PLXDC2: variants seen among roughly 807,000 people sequenced by gnomAD.
PLXDC2 encodes plexin domain containing 2.
Under a neutral mutation model 68.9 loss-of-function variants are expected in PLXDC2, and 40 were observed. That is an observed-to-expected ratio of 0.58 (90% CI 0.45 to 0.76). The LOEUF (loss-of-function observed/expected upper bound fraction) is 0.76. Ranked by LOEUF, PLXDC2 falls within the 30% of genes least tolerant of loss-of-function variation. PLXDC2 has a pLI of 0.00. For synonymous variants in PLXDC2, 243 were observed against 234.2 expected, an observed-to-expected ratio of 1.04 and a Z score of -0.34; for missense variants, 644 against 661.9, an observed-to-expected ratio of 0.97 and a Z score of 0.30.
At chr10:20,047,535 C>A (rs984742415) in intron 3 of PLXDC2, among the ~76,000 whole-genome samples, 9 of 152,074 alleles carry the variant, frequency 5.9e-5, no homozygotes, top group African/African-American at 2.2e-4. Context: ...AAGCATCAGA[C>A]TGATATTTTA....
At chr10:20,068,728 A>G (rs1177048333) in intron 4 of PLXDC2, among the ~76,000 whole-genome samples, 2 of 151,168 alleles carry the variant, frequency 1.3e-5, no homozygotes, top group East Asian at 3.9e-4. Context: ...CTTGAGTGTT[A>G]CCTATTTTGA....
At chr10:19,965,540 T>C (rs1407506983) in intron 1 of PLXDC2, among the ~76,000 whole-genome samples, 1 of 152,164 alleles carries the variant, frequency 6.6e-6, no homozygotes. Context: ...CAATTCCCAC[T>C]TGTTCTGTGT....
At chr10:19,997,402 A>C (rs948987050) in intron 1 of PLXDC2, among the ~76,000 whole-genome samples, 1 of 152,212 alleles carries the variant, frequency 6.6e-6, no homozygotes, top group Non-Finnish European at 1.5e-5. Context: ...GAGGATTTAC[A>C]ATAGTGATTT....
At chr10:19,871,886 A>AG (rs1229414640) in intron 1 of PLXDC2, among the ~76,000 whole-genome samples, 43 of 151,530 alleles carry the variant, frequency 2.8e-4, no homozygotes, top group African/African-American at 1.0e-3. Context: ...AACTGTCAAA[A>AG]AAAAAAAAAA....
At chr10:19,986,117 C>G (rs903139065) in intron 1 of PLXDC2, among the ~76,000 whole-genome samples, 1 of 152,078 alleles carries the variant, frequency 6.6e-6, no homozygotes, top group Non-Finnish European at 1.5e-5. Context: ...GAATTTACAT[C>G]GAATTGAGGA....
chr10:19,922,930 C>G (rs1833483908), intron 1 of PLXDC2, among the ~76,000 whole-genome samples: 1 of 152,150 alleles, frequency 6.6e-6, no homozygotes, highest in Non-Finnish European at 1.5e-5. Context: ...CTTTGAGCCT[C>G]TCAAATGCAA....
At chr10:19,857,318 G>A (rs1485518728) in intron 1 of PLXDC2, among the ~76,000 whole-genome samples, 1 of 152,000 alleles carries the variant, frequency 6.6e-6, no homozygotes, top group African/African-American at 2.4e-5. Flanking sequence ...ATCCTCTCTC[G>A]CTGTCCTCTA....
intron 3 of PLXDC2, among the ~76,000 whole-genome samples, chr10:20,047,236 T>C (rs904469080): frequency 6.6e-6 from 1 of 152,198 alleles, no homozygotes; most frequent in Non-Finnish European, 1.5e-5. Flanking sequence ...TTTGATAAAC[T>C]GCCATTAATT....
At chr10:20,218,727 G>T (rs1269051392) in intron 11 of PLXDC2, among the ~76,000 whole-genome samples, 2 of 151,982 alleles carry the variant, frequency 1.3e-5, no homozygotes, top group African/African-American at 4.8e-5. Flanking sequence ...AATAAATAAG[G>T]TCATAACTAT....
rs558009098 is a variant in PLXDC2 at position 20,040,864 on chromosome 10, TA to T, written c.325-6001del. On this transcript the variant is annotated intron_variant, in intron 2 of 13. Transcript: ENST00000377252. Reference sequence around the variant, plus strand: ...GGCCACTAGTTGTAGACTAGTACCTTAAAAGGTTACCTAAAACATTAAAATT... The same window carrying T: ...GGCCACTAGTTGTAGACTAGTACCTTAAAGGTTACCTAAAACATTAAAATT... 2.0e-5 allele frequency among the ~76,000 whole-genome samples: 3 copies of T among 152,332 alleles called. No homozygotes were observed. The South Asian group carries it at 6.2e-4, about 32-fold the overall frequency.
rs1190807297 is a variant in PLXDC2 at position 19,820,592 on chromosome 10, C to T, written c.112+3401C>T. 3.3e-5 allele frequency among the ~76,000 whole-genome samples: 5 copies of T among 151,052 alleles called. No individual in the cohort carries two copies. The South Asian group carries it at 8.3e-4, about 25-fold the overall frequency. Reference sequence around the variant, plus strand: ...GAGCTTGCAGTGAGCCGAGATTGCGCCACTGCAGTCCGCAGTCCGGCCTGG... The same window carrying T: ...GAGCTTGCAGTGAGCCGAGATTGCGTCACTGCAGTCCGCAGTCCGGCCTGG... On this transcript the variant is annotated intron_variant, in intron 1 of 13. Transcript: ENST00000377252.
At chr10:20,108,229 G>A (rs1833516603) in intron 4 of PLXDC2, among the ~76,000 whole-genome samples, 2 of 152,070 alleles carry the variant, frequency 1.3e-5, no homozygotes, top group Admixed American at 6.5e-5. Flanking sequence ...TGTTTCCCGA[G>A]TTGGGTTCTG....
At chr10:19,828,884 TCC>T (rs1836627143) in intron 1 of PLXDC2, among the ~76,000 whole-genome samples, 1 of 152,130 alleles carries the variant, frequency 6.6e-6, no homozygotes, top group African/African-American at 2.4e-5. Context: ...TGCAAAGGCT[TCC>T]CACCTTACCT....
intron 1 of PLXDC2, among the ~76,000 whole-genome samples, chr10:19,877,749 C>T (rs1297970785): frequency 6.6e-6 from 1 of 152,236 alleles, no homozygotes; most frequent in Non-Finnish European, 1.5e-5. Flanking sequence ...AAACTTGTAA[C>T]TTCATTGAGC....
intron 2 of PLXDC2, among the ~76,000 whole-genome samples, chr10:20,012,796 A>C (rs34986110): frequency 0.16 from 24,993 of 152,178 alleles, 2,428 homozygotes; most frequent in Non-Finnish European, 0.22. Flanking sequence ...AGACTGCCTT[A>C]GTTTTCTTTT....
intron 13 of PLXDC2, among the ~76,000 whole-genome samples, chr10:20,268,122 A>G (rs1411024059): frequency 6.6e-6 from 1 of 152,132 alleles, no homozygotes; most frequent in Admixed American, 6.6e-5. Flanking sequence ...TCTACAATTG[A>G]TCCTCTAAAT....
At chr10:20,256,036 T>C (rs962763412) in intron 13 of PLXDC2, among the ~76,000 whole-genome samples, 36 of 152,202 alleles carry the variant, frequency 2.4e-4, no homozygotes, top group African/African-American at 8.7e-4. Flanking sequence ...ATTTGTATTC[T>C]AATTAACATA....
chr10:20,023,031 C>G (rs557513688), intron 2 of PLXDC2, among the ~76,000 whole-genome samples: 152 of 149,704 alleles, frequency 1.0e-3, no homozygotes, highest in African/African-American at 3.5e-3. Flanking sequence ...ACCCTCCCCC[C>G]GCAAAAAAAG....
At chr10:20,276,977 T>G (rs2482816) in intron 13 of PLXDC2, among the ~76,000 whole-genome samples, 1 of 151,868 alleles carries the variant, frequency 6.6e-6, no homozygotes. Flanking sequence ...TTTGGGAGGC[T>G]GAGGTGGGTG....
Sources: allele counts gnomAD v4.1 joint callset (sites outside exome capture counted in the v4.1 genomes callset), GRCh38; gene constraint gnomAD v4.1.1; transcripts MANE v1.5; gene names NCBI Gene and HGNC (gene_info 2026-07-23, HGNC 2026-07-21).